WDFY2: variants seen among roughly 807,000 people sequenced by gnomAD.
The protein encoded by WDFY2 is WD repeat and FYVE domain-containing protein 2.
A neutral mutation model predicts 56.4 loss-of-function variants in WDFY2; 36 were observed. That is an observed-to-expected ratio of 0.64 (90% CI 0.49 to 0.84). WDFY2 has a LOEUF of 0.84. Ranked by LOEUF, WDFY2 falls within the 40% of genes least tolerant of loss-of-function variation. WDFY2 has a pLI of 0.00. For missense variants in WDFY2, 444 were observed against 512.2 expected (o/e 0.87, Z 1.29); for synonymous variants, 176 against 183.7 (o/e 0.96, Z 0.34).
chr13:51,628,576 T>C (rs1477439703), intron 1 of WDFY2, among the ~76,000 whole-genome samples: 2 of 152,062 alleles, frequency 1.3e-5, no homozygotes, highest in African/African-American at 2.4e-5. Context: ...TGTTCCTTGC[T>C]CCCACTGGCC....
intron 1 of WDFY2, among the ~76,000 whole-genome samples, chr13:51,642,745 A>T (rs1490680729): frequency 6.9e-6 from 1 of 145,744 alleles, no homozygotes; most frequent in South Asian, 2.2e-4. Context: ...CAGTGGTGCA[A>T]TCTCACCTCA....
rs919413140 is a variant in WDFY2 at position 51,759,947 on chromosome 13, G to C, written c.*178G>C. On this transcript the variant is annotated 3_prime_UTR_variant, in exon 12 of 12. Coordinates refer to ENST00000298125, the MANE Select transcript of WDFY2 (RefSeq NM_052950.4). ...GACCTGGCCAGTGAGCACTCGCAAG[G>C]GGACTCTTCCAACTTGTTCATACAA... 7 of 585,306 alleles carry C rather than the reference G, an allele frequency of 1.2e-5. No individual in the cohort carries two copies. The highest frequency in any genetic ancestry group is 9.3e-5 in the African/African-American group (5 of 53,694). The allele number at this position is 585,306 out of a possible 1,614,324, so 36.3% of individuals were successfully genotyped here.
intron 6 of WDFY2, among the ~76,000 whole-genome samples, chr13:51,730,309 C>T (rs1356362498): frequency 6.6e-6 from 1 of 152,218 alleles, no homozygotes; most frequent in Non-Finnish European, 1.5e-5. Context: ...CGTTGTAAAC[C>T]TTGTCGTACT....
intron 3 of WDFY2, among the ~76,000 whole-genome samples, chr13:51,694,876 C>T (rs991899616): frequency 6.6e-6 from 1 of 152,074 alleles, no homozygotes; most frequent in South Asian, 2.1e-4. Context: ...AGGCTTTGTT[C>T]GTTTCTTTTT....
At position 51,739,117 on chromosome 13, in the gene WDFY2, G is replaced by A. The variant is rs77486739; in HGVS notation, c.667G>A (p.Val223Ile). 1.6e-3 allele frequency: 2,538 copies of A among 1,601,124 alleles called. 18 individuals carry two copies. Among genetic ancestry groups the A allele is most frequent in the African/African-American group, 0.014 (1,063 of 74,612 alleles). Reference protein sequence around the residue: ...VLFSGSSDHSVIMWDIGGRKG... With the variant: ...VLFSGSSDHSIIMWDIGGRKG... ...GTTCTCAGGCAGTTCAGATCACTCT[G>A]TCATCATGTGGGACATCGGTGGGAG... Residue 223 changes from valine (V) to isoleucine (I), a missense_variant, in exon 7 of 12, where the codon GTC (valine) becomes ATC (isoleucine). Val to Ile is a conservative substitution (Grantham distance 29). Coordinates refer to ENST00000298125, the MANE Select transcript of WDFY2 (RefSeq NM_052950.4).
At chr13:51,650,421 G>A (rs538454813) in intron 1 of WDFY2, among the ~76,000 whole-genome samples, 9 of 152,084 alleles carry the variant, frequency 5.9e-5, no homozygotes, top group Admixed American at 1.3e-4. Flanking sequence ...TCTCCTGCCC[G>A]ATTGCCCTGG....
At chr13:51,611,495 C>G (rs1443326929) in intron 1 of WDFY2, among the ~76,000 whole-genome samples, 1 of 152,142 alleles carries the variant, frequency 6.6e-6, no homozygotes, top group East Asian at 1.9e-4. Context: ...ATCTATAAAG[C>G]ATTTTATACT....
rs141152408 is a variant in WDFY2 at position 51,673,766 on chromosome 13, A to C, written c.206-1404A>C. ...TGACTTTCTTAGGGCAGTGCATTAA[A>C]TATCATTTGATTGCTGTTTTCAGGA... On this transcript the variant is annotated intron_variant, in intron 2 of 11. Transcript: ENST00000298125. 2.2e-4 allele frequency among the ~76,000 whole-genome samples: 34 copies of C among 152,306 alleles called. No homozygotes were observed. In the East Asian group the frequency reaches 6.6e-3, roughly 29 times the overall value.
chr13:51,628,803 G>A (rs1163590623), intron 1 of WDFY2, among the ~76,000 whole-genome samples: 3 of 152,148 alleles, frequency 2.0e-5, no homozygotes, highest in African/African-American at 7.2e-5. Flanking sequence ...GTCTAAAAAG[G>A]GCCTTAGAAA....
At chr13:51,598,096 A>C (rs1954186683) in intron 1 of WDFY2, among the ~76,000 whole-genome samples, 1 of 152,170 alleles carries the variant, frequency 6.6e-6, no homozygotes, top group African/African-American at 2.4e-5. Flanking sequence ...GTGGTGGCTC[A>C]CGCCTGTAAT....
In WDFY2 at chr13:51,727,763, C is replaced by T. The variant is rs1952636064; in HGVS notation, c.571C>T (p.Leu191=). ...ILKLEQENCT[L]VTTFRGHTGG... ...CAAACTGGAGCAAGAAAACTGCACCCTGGTCACAACATTCAGAGGACACAC... is the reference window on the plus strand; with the variant it reads ...CAAACTGGAGCAAGAAAACTGCACCTTGGTCACAACATTCAGAGGACACAC... The change falls in exon 6 of 12, where the codon CTG becomes TTG. Residue 191 remains leucine (L), a synonymous_variant. Coordinates refer to ENST00000298125, the MANE Select transcript of WDFY2 (RefSeq NM_052950.4). The T allele has an allele frequency of 6.2e-7, 1 of 1,614,050 alleles. No homozygotes were observed. Among genetic ancestry groups the T allele is most frequent in the Non-Finnish European group, 8.5e-7 (1 of 1,180,036 alleles).
At chr13:51,717,080 G>T (rs1300652648) in intron 4 of WDFY2, among the ~76,000 whole-genome samples, 2 of 152,124 alleles carry the variant, frequency 1.3e-5, no homozygotes, top group African/African-American at 2.4e-5. Flanking sequence ...TTAATGGTGA[G>T]AAAAGAGATG....
chr13:51,695,690 G>A (rs923638118), intron 3 of WDFY2, among the ~76,000 whole-genome samples: 10 of 152,214 alleles, frequency 6.6e-5, no homozygotes, highest in African/African-American at 1.9e-4. Flanking sequence ...GCTGTGTGCT[G>A]GGAGAACCAC....
rs1231774555 is a variant in WDFY2 at position 51,765,791 on chromosome 13, A to G, written c.*6022A>G. On this transcript the variant is annotated 3_prime_UTR_variant, in exon 12 of 12. Coordinates refer to ENST00000298125, the MANE Select transcript of WDFY2 (RefSeq NM_052950.4). ...TTCATGAGTTTGTAGGGCAAAAAAA[A>G]TTCTTTTTAAAGATGGTAAGGGTGG... The G allele has an allele frequency of 1.3e-5, 2 of 152,204 alleles. No homozygotes were observed. Among genetic ancestry groups the G allele is most frequent in the Non-Finnish European group, 2.9e-5 (2 of 68,026 alleles). The allele number at this position is 152,204 out of a possible 1,614,324, so 9.4% of individuals were successfully genotyped here.
intron 1 of WDFY2, chr13:51,588,824 T>C (rs1024149685): frequency 6.6e-6 from 1 of 152,178 alleles, no homozygotes; most frequent in Non-Finnish European, 1.5e-5. Context: ...GTGACTCTGA[T>C]AGCAAAAATT....
intron 7 of WDFY2, among the ~76,000 whole-genome samples, chr13:51,749,700 A>G (rs1953183665): frequency 6.6e-6 from 1 of 152,182 alleles, no homozygotes; most frequent in Non-Finnish European, 1.5e-5. Context: ...GCAAACATAT[A>G]TAAACTTAAT....
In WDFY2 at chr13:51,729,447, T is replaced by A. The variant is rs140109785; in HGVS notation, c.598+1657T>A. On this transcript the variant is annotated intron_variant, in intron 6 of 11. Coordinates refer to ENST00000298125, the MANE Select transcript of WDFY2 (RefSeq NM_052950.4). ...AAAAAACCACATATTTCTTGCCCAC[T>A]GTATATCCCCCTCACCCCAACAAAC... is the stretch of plus-strand genomic sequence containing the variant. Among the ~76,000 whole-genome samples the A allele has an allele frequency of 4.9e-4, 73 of 150,126 alleles. 1 individual carries two copies. In the East Asian group the frequency reaches 0.011, roughly 22 times the overall value.
intron 1 of WDFY2, among the ~76,000 whole-genome samples, chr13:51,655,878 G>A (rs946621839): frequency 2.0e-5 from 3 of 151,954 alleles, no homozygotes; most frequent in African/African-American, 4.8e-5. Context: ...TCTTGAGTCA[G>A]TATTGGTAGA....
intron 11 of WDFY2, among the ~76,000 whole-genome samples, chr13:51,758,524 C>G (rs927196429): frequency 6.7e-6 from 1 of 149,206 alleles, no homozygotes. Context: ...GCACTCTAGC[C>G]TGAGCAACAA....
Sources: gnomAD v4.1 joint callset for allele counts (sites outside exome capture counted in the v4.1 genomes callset) on GRCh38, gnomAD v4.1.1 for gene constraint, MANE v1.5 for transcripts, NCBI Gene and HGNC (gene_info 2026-07-23, HGNC 2026-07-21) for gene names.